The following GFRA1 variants were observed in gnomAD, a reference collection of about 807,000 sequenced individuals.
The protein encoded by GFRA1 is GDNF family receptor alpha 1, also known as GDNF family receptor alpha-1.
GFRA1 carries 16 observed loss-of-function variants against 51.6 expected under a neutral mutation model. The ratio of observed to expected loss-of-function variants is 0.31; its 90% CI spans 0.21 to 0.47. The LOEUF (loss-of-function observed/expected upper bound fraction) is 0.47, where lower values mean the gene tolerates loss of function less well. GFRA1 is among the 20% of genes least tolerant of loss of function. The pLI is 1.00. For missense variants in GFRA1, 530 were observed against 594.3 expected, an observed-to-expected ratio of 0.89 and a Z score of 1.13; for synonymous variants, 270 against 241.3, an observed-to-expected ratio of 1.12 and a Z score of -1.10.
intron 5 of GFRA1, among the ~76,000 whole-genome samples, chr10:116,183,731 TCTTAACACTCAGCAC>T (rs1359745884): frequency 2.0e-5 from 3 of 152,178 alleles, no homozygotes; most frequent in Non-Finnish European, 4.4e-5. Flanking sequence ...ACTCACCTAC[TCTTAACACTCAGCAC>T]CTTGCTCCCA....
intron 9 of GFRA1, among the ~76,000 whole-genome samples, chr10:116,089,535 CAG>C (rs1043604315): frequency 6.6e-6 from 1 of 152,216 alleles, no homozygotes; most frequent in African/African-American, 2.4e-5. Context: ...CAGTAAACGA[CAG>C]AGTCAGTTCC....
rs550072692 is a variant in GFRA1 at position 116,125,396 on chromosome 10, A to T, written c.595T>A (p.Phe199Ile). 1 of 1,614,228 alleles carries T rather than the reference A, an allele frequency of 6.2e-7. No individual in the cohort carries two copies. Among genetic ancestry groups the T allele is most frequent in the African/African-American group, 1.3e-5 (1 of 75,066 alleles). ...TGCTTGGCCGGGACCTTGTCAAAGA[A>T]CTGCCGGAGGGCCTTGTGGCACTTG... Reference protein sequence around the residue: ...RRKCHKALRQFFDKVPAKHSY... With the variant: ...RRKCHKALRQIFDKVPAKHSY... The change falls in exon 6 of 11, where the codon TTC becomes ATC. Residue 199 changes from phenylalanine (F) to isoleucine (I), a missense_variant. Phe to Ile is a conservative substitution (Grantham distance 21). Transcript: ENST00000355422.
intron 9 of GFRA1, 126 bp from the exon 10 acceptor site, chr10:116,065,752 A>AT: frequency 1.4e-6 from 1 of 710,048 alleles, no homozygotes; most frequent in East Asian, 2.7e-5. Flanking sequence ...TGAGCTCCAT[A>AT]TATAATTGAA....
intron 5 of GFRA1, among the ~76,000 whole-genome samples, chr10:116,139,441 G>A (rs1039348705): frequency 1.2e-4 from 19 of 152,238 alleles, no homozygotes; most frequent in African/African-American, 4.6e-4. Flanking sequence ...GGCTTCAAGT[G>A]TGCCTTTTCT....
At chr10:116,087,598 C>T (rs185491331) in intron 9 of GFRA1, among the ~76,000 whole-genome samples, 1 of 152,284 alleles carries the variant, frequency 6.6e-6, no homozygotes, top group East Asian at 1.9e-4. Context: ...GCTGGTTTTG[C>T]TGTAGCCAGA....
intron 6 of GFRA1, among the ~76,000 whole-genome samples, chr10:116,109,120 C>T (rs1337105768): frequency 6.6e-6 from 1 of 152,154 alleles, no homozygotes; most frequent in South Asian, 2.1e-4. Flanking sequence ...ACCGTACTAG[C>T]CAGGTTTGCC....
intron 5 of GFRA1, among the ~76,000 whole-genome samples, chr10:116,196,043 G>A (rs771012346): frequency 9.2e-5 from 14 of 152,046 alleles, no homozygotes; most frequent in Non-Finnish European, 1.8e-4. Context: ...TGGGATGTGG[G>A]GATGAATATC....
chr10:116,157,413 C>T (rs1959258374), intron 5 of GFRA1, among the ~76,000 whole-genome samples: 1 of 152,164 alleles, frequency 6.6e-6, no homozygotes, highest in African/African-American at 2.4e-5. Context: ...TTGGGCATAC[C>T]CAGCACACCA....
At chr10:116,204,267 C>T (rs753520227) in intron 5 of GFRA1, among the ~76,000 whole-genome samples, 54 of 152,298 alleles carry the variant, frequency 3.5e-4, no homozygotes, top group Non-Finnish European at 6.9e-4. Flanking sequence ...GGGTTAGAGT[C>T]GAACACATCA....
At chr10:116,089,060 A>G (rs1047375090) in intron 9 of GFRA1, among the ~76,000 whole-genome samples, 3 of 151,998 alleles carry the variant, frequency 2.0e-5, no homozygotes, top group African/African-American at 7.2e-5. Context: ...TCTGCTTTCG[A>G]CTGAAGACAG....
Position 116,131,212 on chromosome 10 carries a change from G to A in GFRA1, c.434-5655C>T, listed in dbSNP as rs560354134. The stretch of plus-strand genomic sequence containing the variant: ...GAGAAATGCAAAATGAAACCACAAT[G>A]AGATACACTCTACACTCACCACAAT... On this transcript the variant is annotated intron_variant, in intron 5 of 10. Transcript: ENST00000355422. Among the ~76,000 whole-genome samples, 5 of 152,238 alleles carry A rather than the reference G, an allele frequency of 3.3e-5. No individual in the cohort carries two copies. The South Asian group carries it at 1.0e-3, about 32-fold the overall frequency.
At chr10:116,216,956 T>C (rs1437314926) in intron 4 of GFRA1, among the ~76,000 whole-genome samples, 3 of 152,232 alleles carry the variant, frequency 2.0e-5, no homozygotes. Context: ...CAGCAAGCTC[T>C]GTACATAGAC....
chr10:116,238,765 G>A (rs879093023), intron 4 of GFRA1, among the ~76,000 whole-genome samples: 4 of 152,036 alleles, frequency 2.6e-5, no homozygotes, highest in South Asian at 4.1e-4. Flanking sequence ...CTCTTCTTCC[G>A]TGTTTAACTT....
At chr10:116,115,352 G>A (rs997096592) in intron 6 of GFRA1, among the ~76,000 whole-genome samples, 1 of 152,064 alleles carries the variant, frequency 6.6e-6, no homozygotes, top group Non-Finnish European at 1.5e-5. Context: ...GAGGCCGAGG[G>A]AAGAGGTGAC....
At chr10:116,249,453 G>A (rs1459874962) in intron 4 of GFRA1, among the ~76,000 whole-genome samples, 2 of 152,156 alleles carry the variant, frequency 1.3e-5, no homozygotes, top group Non-Finnish European at 2.9e-5. Flanking sequence ...CAATTTGCCA[G>A]AATCCTGTCC....
intron 5 of GFRA1, among the ~76,000 whole-genome samples, chr10:116,138,635 A>AAC (rs1958431685): frequency 4.2e-5 from 5 of 120,248 alleles, no homozygotes; most frequent in Non-Finnish European, 5.2e-5. Flanking sequence ...GATGGTAGGA[A>AAC]CCCCCCCCCG....
rs572681918 is a variant in GFRA1, at chr10:116,202,170, G to A, written c.433+9461C>T. On this transcript the variant is annotated intron_variant, in intron 5 of 10. Transcript: ENST00000355422. ...CTCCATCCTCTCTAGGAGCTCAATCGGGTGTGGGAAGCCAGATGTGTAGAC... is the reference window on the plus strand; with the variant it reads ...CTCCATCCTCTCTAGGAGCTCAATCAGGTGTGGGAAGCCAGATGTGTAGAC... Among the ~76,000 whole-genome samples, 18 of 152,260 alleles carry A rather than the reference G, an allele frequency of 1.2e-4. 1 individual carries two copies. Among genetic ancestry groups the A allele is most frequent in the Middle Eastern group, 3.4e-3 (1 of 294 alleles).
chr10:116,138,350 G>A (rs368458239), intron 5 of GFRA1, among the ~76,000 whole-genome samples: 11 of 149,920 alleles, frequency 7.3e-5, no homozygotes, highest in South Asian at 4.2e-4. Context: ...CTTGGAATTC[G>A]CTGACTTTCT....
chr10:116,271,111 C>T lies in GFRA1; in HGVS notation c.45G>A (p.Leu15=). 6.2e-7 allele frequency: 1 copy of T among 1,605,156 alleles called. No homozygotes were observed. Among genetic ancestry groups the T allele is most frequent in the South Asian group, 1.1e-5 (1 of 90,824 alleles). The change falls in exon 3 of 11, where the codon TTG becomes TTA. Residue 15 remains leucine, a synonymous_variant. Transcript: ENST00000355422. ...CGCCGCTCACTTCGGCCGACAGGAG[C>T]AAGTCTGCGGGGCAGAGGGGAGGGA... is the stretch of plus-strand genomic sequence containing the variant. The part of the protein sequence containing the change: ...TLYFALPLLD[L]LLSAEVSGGD...
Sources: allele counts gnomAD v4.1 joint callset (sites outside exome capture counted in the v4.1 genomes callset), GRCh38; gene constraint gnomAD v4.1.1; transcripts MANE v1.5; gene names NCBI Gene and HGNC (gene_info 2026-07-23, HGNC 2026-07-21).